The following ARHGEF9 variants were observed in gnomAD, a reference collection of about 807,000 sequenced individuals.
ARHGEF9 encodes the protein rho guanine nucleotide exchange factor 9.
ARHGEF9 carries 2 observed loss-of-function variants against 41.3 expected under a neutral mutation model. That is an observed-to-expected ratio of 0.05 (90% CI 0.02 to 0.15). ARHGEF9 has a LOEUF of 0.15. ARHGEF9 is among the 10% of genes least tolerant of loss of function. The pLI is 1.00. For missense variants in ARHGEF9, 225 were observed against 424.7 expected, an observed-to-expected ratio of 0.53 and a Z score of 4.13; for synonymous variants, 160 against 154.4, an observed-to-expected ratio of 1.04 and a Z score of -0.27.
intron 1 of ARHGEF9, chrX:63,727,355 G>A (rs782744074): frequency 3.6e-5 from 4 of 111,474 alleles, no homozygotes; most frequent in Middle Eastern, 4.6e-3. Flanking sequence ...ATTTAGTCCA[G>A]CTGATATACC....
At chrX:63,655,944 C>A (rs782383673) in intron 7 of ARHGEF9, among the ~76,000 whole-genome samples, 1 of 112,020 alleles carries the variant, frequency 8.9e-6, no homozygotes, top group East Asian at 2.8e-4. Context: ...CTCTGTCTCA[C>A]CTCGAAAGAT....
intron 6 of ARHGEF9, among the ~76,000 whole-genome samples, chrX:63,671,937 T>G (rs370933136): frequency 4.5e-5 from 5 of 112,215 alleles, no homozygotes; most frequent in Non-Finnish European, 9.4e-5. Flanking sequence ...CACAGTGACC[T>G]CAGTCTGACA....
At chrX:63,655,877 G>T (rs781915653) in intron 7 of ARHGEF9, 140 bp from the exon 8 acceptor site, 94 of 734,044 alleles carry the variant, frequency 1.3e-4, no homozygotes, top group Non-Finnish European at 1.1e-4. Context: ...ATTTGGCCAG[G>T]TTATACTAGT....
intron 6 of ARHGEF9, among the ~76,000 whole-genome samples, chrX:63,666,365 A>C (rs2049547834): frequency 9.7e-6 from 1 of 103,566 alleles, no homozygotes; most frequent in African/African-American, 3.5e-5. Flanking sequence ...ACACACATAT[A>C]TATGTGTGTG....
chrX:63,714,639 AAAT>A (rs1161550584), intron 2 of ARHGEF9, among the ~76,000 whole-genome samples: 3 of 112,008 alleles, frequency 2.7e-5, no homozygotes, highest in African/African-American at 9.7e-5. Flanking sequence ...TCTGAAATAG[AAAT>A]AATATCTATC....
chrX:63,655,100 G>T (rs1464335705), intron 8 of ARHGEF9, among the ~76,000 whole-genome samples: 1 of 112,447 alleles, frequency 8.9e-6, no homozygotes, highest in Non-Finnish European at 1.9e-5. Flanking sequence ...AGTCTAGGGG[G>T]ATTTAGTTAA....
At chrX:63,691,758 A>G (rs2051362934) in intron 4 of ARHGEF9, among the ~76,000 whole-genome samples, 2 of 111,481 alleles carry the variant, frequency 1.8e-5, no homozygotes, top group South Asian at 7.5e-4. Context: ...AGCAATCCCG[A>G]GCAAAAAGAA....
chrX:63,713,716 A>G (rs2053101329), intron 2 of ARHGEF9, among the ~76,000 whole-genome samples: 1 of 109,409 alleles, frequency 9.1e-6, no homozygotes, highest in Non-Finnish European at 1.9e-5. Context: ...ACACACACAC[A>G]CACACACACA....
chrX:63,723,038 T>A (rs1248525808), intron 2 of ARHGEF9: 1 of 111,774 alleles, frequency 8.9e-6, no homozygotes, highest in Non-Finnish European at 1.9e-5. Context: ...CTTTCTGGAT[T>A]TTTTACCTTG....
At chrX:63,737,909 C>T (rs782264396) in intron 1 of ARHGEF9, among the ~76,000 whole-genome samples, 7 of 112,096 alleles carry the variant, frequency 6.2e-5, no homozygotes, top group South Asian at 3.7e-4. Flanking sequence ...GGTTTTTTTC[C>T]TAATAATAAA....
At chrX:63,782,252 T>A (rs1321247848) in intron 1 of ARHGEF9, among the ~76,000 whole-genome samples, 1 of 111,872 alleles carries the variant, frequency 8.9e-6, no homozygotes, top group Non-Finnish European at 1.9e-5. Flanking sequence ...AATAAATTAA[T>A]GACCCGATAG....
At chrX:63,762,664 G>T (rs1383318194) in intron 1 of ARHGEF9, among the ~76,000 whole-genome samples, 2 of 111,915 alleles carry the variant, frequency 1.8e-5, no homozygotes, top group East Asian at 5.6e-4. Context: ...TGTGGAAAAA[G>T]CAAGATGCAG....
In ARHGEF9 at chrX:63,637,596, AC is replaced by A. The variant is rs1390549617; in HGVS notation, c.*431del. The A allele has an allele frequency of 5.1e-5, 11 of 217,474 alleles. No individual in the cohort carries two copies. The highest frequency in any genetic ancestry group is 7.4e-5 in the Non-Finnish European group (9 of 121,913). The allele number at this position is 217,474 out of a possible 1,213,427, so 17.9% of individuals were successfully genotyped here. A position where few individuals can be genotyped will look rare whatever the true frequency, so the allele number is the denominator to read the frequency against. On this transcript the variant is annotated 3_prime_UTR_variant, in exon 10 of 10. Coordinates refer to ENST00000671741, the MANE Select transcript of ARHGEF9 (RefSeq NM_001353921.2). Reference sequence around the variant, plus strand: ...CAACATCAGTATCATCAGAAAAAAAACAATACAAACACATCTATCGTAATAA... The same window carrying A: ...CAACATCAGTATCATCAGAAAAAAAAAATACAAACACATCTATCGTAATAA...
intron 1 of ARHGEF9, among the ~76,000 whole-genome samples, chrX:63,753,726 G>A (rs2055798292): frequency 9.0e-6 from 1 of 111,206 alleles, no homozygotes; most frequent in African/African-American, 3.3e-5. Flanking sequence ...ATATCTTAAA[G>A]CTTTAAGGTT....
At position 63,642,391 on chromosome X, in the gene ARHGEF9, A is replaced by G. The variant is rs182848824; in HGVS notation, c.1390+1589T>C. The G allele has an allele frequency of 3.6e-5, 4 of 112,163 alleles. No homozygotes were observed. In the Admixed American group the frequency reaches 3.8e-4, roughly 11 times the overall value. 9.2% of individuals were successfully genotyped at this position (112,163 alleles called of 1,213,427 possible). On this transcript the variant is annotated intron_variant, in intron 9 of 9. Transcript: ENST00000671741. ...CTAACACCATCTCTCACATGTTATT[A>G]TAGCAATCAAAAGGTTAGGAGTTAA...
chrX:63,736,988 A>G (rs2147699138), intron 1 of ARHGEF9: 1 of 111,394 alleles, frequency 9.0e-6, no homozygotes, highest in Admixed American at 9.5e-5. Context: ...CCTAAGTCTC[A>G]CCTTGGAGGT....
Position 63,724,571 on chromosome X carries a change from G to A in ARHGEF9, c.171C>T (p.Ile57=). ...CAGGAAACCATCCCTCCTCATCGTC[G>A]ATCTGGCCCCACCACCAATCCTTGT... ...ASNKDWWWGQ[I]DDEEGWFPAS... The change falls in exon 2 of 10, where the codon ATC becomes ATT. Residue 57 remains isoleucine, a synonymous_variant. Transcript: ENST00000671741. The A allele has an allele frequency of 4.1e-6, 5 of 1,211,050 alleles. No individual in the cohort carries two copies. The highest frequency in any genetic ancestry group is 4.5e-6 in the Non-Finnish European group (4 of 895,383).
rs782019178 is a variant in ARHGEF9 at position 63,755,043 on chromosome X, C to A, written c.30+30073G>T. 1.8e-5 allele frequency: 17 copies of A among 937,377 alleles called. No individual in the cohort carries two copies. In the Admixed American group the frequency reaches 6.4e-4, roughly 35 times the overall value. 77.3% of individuals were successfully genotyped at this position (937,377 alleles called of 1,213,427 possible). Reference sequence around the variant, plus strand: ...CTTCGCTCGTTTTCCTAAGCTTGCTCGCTCTCTTCGCTGGGCTCCCGGCTG... The same window carrying A: ...CTTCGCTCGTTTTCCTAAGCTTGCTAGCTCTCTTCGCTGGGCTCCCGGCTG... On this transcript the variant is annotated intron_variant, in intron 1 of 9. Coordinates refer to ENST00000671741, the MANE Select transcript of ARHGEF9 (RefSeq NM_001353921.2).
intron 7 of ARHGEF9, 108 bp from the exon 8 acceptor site, chrX:63,655,845 A>G (rs782358907): frequency 3.9e-6 from 4 of 1,038,536 alleles, no homozygotes; most frequent in Non-Finnish European, 5.3e-6. Flanking sequence ...TTGAAGTACC[A>G]ATGGGGGTTG....
Sources: allele counts gnomAD v4.1 joint callset (sites outside exome capture counted in the v4.1 genomes callset), GRCh38; gene constraint gnomAD v4.1.1; transcripts MANE v1.5; gene names NCBI Gene and HGNC (gene_info 2026-07-23, HGNC 2026-07-21).